Variants in NRCAM observed in about 807,000 individuals in gnomAD.
NRCAM encodes neuronal cell adhesion molecule, also known as NgCAM-related cell adhesion molecule.
NRCAM carries 83 observed loss-of-function variants against 156.5 expected under a neutral mutation model. The observed-to-expected ratio is 0.53, with a 90% CI of 0.44 to 0.64. The LOEUF (loss-of-function observed/expected upper bound fraction) is 0.64, where lower values mean the gene tolerates loss of function less well. NRCAM is among the 30% of genes least tolerant of loss of function. The pLI is 0.00. For missense variants in NRCAM, 1,417 were observed against 1,597.3 expected, an observed-to-expected ratio of 0.89 and a Z score of 1.92; for synonymous variants, 538 against 563.9, an observed-to-expected ratio of 0.95 and a Z score of 0.65.
chr7:108,252,483 T>G (rs763116745), intron 3 of NRCAM, among the ~76,000 whole-genome samples: 3 of 152,250 alleles, frequency 2.0e-5, no homozygotes, highest in Non-Finnish European at 4.4e-5. Flanking sequence ...TTTTATTTTT[T>G]GAAAGATCTG....
At chr7:108,210,964 G>A (rs180760795) in intron 11 of NRCAM, among the ~76,000 whole-genome samples, 10 of 152,296 alleles carry the variant, frequency 6.6e-5, no homozygotes, top group South Asian at 2.1e-4. Context: ...GCTCTGATGC[G>A]GATGGACAGA....
chr7:108,417,453 G>C (rs1803023121), intron 1 of NRCAM, among the ~76,000 whole-genome samples: 1 of 152,170 alleles, frequency 6.6e-6, no homozygotes. Context: ...CTACCTATAA[G>C]GGTGGAGCCC....
chr7:108,210,140 G>C (rs1268276784), intron 11 of NRCAM, among the ~76,000 whole-genome samples: 1 of 151,976 alleles, frequency 6.6e-6, no homozygotes, highest in African/African-American at 2.4e-5. Flanking sequence ...AAGGGAAAGA[G>C]CTTTTTTTCC....
intron 17 of NRCAM, among the ~76,000 whole-genome samples, chr7:108,193,332 G>A (rs1284206088): frequency 6.6e-6 from 1 of 152,214 alleles, no homozygotes; most frequent in Non-Finnish European, 1.5e-5. Context: ...ACAATTTTAG[G>A]TCAGCTGTAG....
chr7:108,168,856 A>G (rs1473717207), intron 28 of NRCAM, among the ~76,000 whole-genome samples: 1 of 152,186 alleles, frequency 6.6e-6, no homozygotes, highest in Non-Finnish European at 1.5e-5. Context: ...GTCTTTAAAA[A>G]ATCTGTGTTG....
chr7:108,426,547 C>A (rs892574710), intron 1 of NRCAM, among the ~76,000 whole-genome samples: 3 of 152,176 alleles, frequency 2.0e-5, no homozygotes, highest in Admixed American at 2.0e-4. Context: ...AGCCCACCCC[C>A]CTTATAAAAC....
chr7:108,423,688 T>C (rs532452929), intron 1 of NRCAM, among the ~76,000 whole-genome samples: 46 of 152,328 alleles, frequency 3.0e-4, no homozygotes, highest in African/African-American at 1.1e-3. Flanking sequence ...GTGGCAATCA[T>C]GCTAAAACAT....
At chr7:108,174,060 T>C (rs1586346142) in intron 28 of NRCAM, among the ~76,000 whole-genome samples, 1 of 152,322 alleles carries the variant, frequency 6.6e-6, no homozygotes, top group East Asian at 1.9e-4. Context: ...ATTGAAGTTA[T>C]AAAGCAATAT....
chr7:108,275,957 G>T (rs1474563932), intron 3 of NRCAM, among the ~76,000 whole-genome samples: 1 of 152,122 alleles, frequency 6.6e-6, no homozygotes, highest in Non-Finnish European at 1.5e-5. Context: ...TGGTTTCAAA[G>T]AACATCTTTA....
At chr7:108,252,262 G>T (rs1444865811) in intron 3 of NRCAM, among the ~76,000 whole-genome samples, 2 of 152,222 alleles carry the variant, frequency 1.3e-5, no homozygotes, top group African/African-American at 4.8e-5. Context: ...AGCAGGCAAA[G>T]TTGGGTGGTT....
intron 2 of NRCAM, among the ~76,000 whole-genome samples, chr7:108,378,312 T>A (rs1052899745): frequency 1.3e-5 from 2 of 151,656 alleles, no homozygotes; most frequent in African/African-American, 4.8e-5. Flanking sequence ...AAAAAATGAT[T>A]TAAATGAAAA....
At chr7:108,345,131 AATTG>A (rs1226325177) in intron 2 of NRCAM, among the ~76,000 whole-genome samples, 2 of 152,200 alleles carry the variant, frequency 1.3e-5, no homozygotes, top group African/African-American at 2.4e-5. Flanking sequence ...CAAATAGGAA[AATTG>A]ATTGTTTTAC....
chr7:108,412,653 C>T (rs550929046), intron 1 of NRCAM, among the ~76,000 whole-genome samples: 1 of 152,196 alleles, frequency 6.6e-6, no homozygotes, highest in Non-Finnish European at 1.5e-5. Flanking sequence ...ATTTATTCCT[C>T]CTAACTTGTT....
chr7:108,361,463 G>A (rs1271182382), intron 2 of NRCAM, among the ~76,000 whole-genome samples: 2 of 152,188 alleles, frequency 1.3e-5, no homozygotes, highest in African/African-American at 4.8e-5. Context: ...TCAACTGAAG[G>A]CCTGAATTGA....
At chr7:108,154,328 A>G (rs1229195575) in intron 32 of NRCAM, among the ~76,000 whole-genome samples, 1 of 152,196 alleles carries the variant, frequency 6.6e-6, no homozygotes, top group Non-Finnish European at 1.5e-5. Context: ...TAAGTTTTAA[A>G]GTCTTATTTT....
chr7:108,409,584 G>C (rs866192699), intron 1 of NRCAM, among the ~76,000 whole-genome samples: 3 of 152,324 alleles, frequency 2.0e-5, no homozygotes, highest in Non-Finnish European at 2.9e-5. Flanking sequence ...AGGACAGGTC[G>C]CTCCTCCTTC....
chr7:108,413,774 G>A (rs1044076065), intron 1 of NRCAM, among the ~76,000 whole-genome samples: 1 of 152,168 alleles, frequency 6.6e-6, no homozygotes, highest in Non-Finnish European at 1.5e-5. Flanking sequence ...TTCATTTGGT[G>A]CTGTATTGAG....
chr7:108,390,539 A>AT (rs1204425436), intron 2 of NRCAM, among the ~76,000 whole-genome samples: 2 of 151,876 alleles, frequency 1.3e-5, no homozygotes, highest in African/African-American at 4.8e-5. Context: ...GGATGCATTG[A>AT]TTTTTTGAAC....
At chr7:108,268,636 T>TGGAGGG (rs2097206534) in intron 3 of NRCAM, among the ~76,000 whole-genome samples, 1 of 8,492 alleles carries the variant, frequency 1.2e-4, no homozygotes, top group Non-Finnish European at 2.2e-4. Context: ...GGGGGGGGGT[T>TGGAGGG]GGGGGGGGCG....
Sources: gnomAD v4.1 joint callset for allele counts (sites outside exome capture counted in the v4.1 genomes callset) on GRCh38, gnomAD v4.1.1 for gene constraint, MANE v1.5 for transcripts, NCBI Gene and HGNC (gene_info 2026-07-23, HGNC 2026-07-21) for gene names.